Variants in NREP observed in about 807,000 individuals in gnomAD.
NREP encodes the protein neuronal regeneration-related protein.
A neutral mutation model predicts 8.6 loss-of-function variants in NREP; 5 were observed. The ratio of observed to expected loss-of-function variants is 0.58; its 90% CI spans 0.30 to 1.22. NREP has a LOEUF of 1.22. Among genes scored for constraint, NREP ranks in the 50% most tolerant of loss-of-function variants. The probability of loss-of-function intolerance (pLI) is 0.07; values close to 1 mark genes in which losing one functional copy is unlikely to be tolerated. For missense variants in NREP, 86 were observed against 82.5 expected, an observed-to-expected ratio of 1.04 and a Z score of -0.17; for synonymous variants, 27 against 28.0, an observed-to-expected ratio of 0.96 and a Z score of 0.11.
chr5:111,737,782 C>T (rs568401727), intron 2 of NREP, among the ~76,000 whole-genome samples: 6 of 149,596 alleles, frequency 4.0e-5, no homozygotes, highest in African/African-American at 1.5e-4. Flanking sequence ...AACTTGGGAA[C>T]ATGAATATCT....
At chr5:111,737,642 G>A (rs1156280634) in intron 2 of NREP, among the ~76,000 whole-genome samples, 1 of 151,108 alleles carries the variant, frequency 6.6e-6, no homozygotes, top group African/African-American at 2.4e-5. Flanking sequence ...AATTTGTAGG[G>A]GAAAATAGCT....
At chr5:111,963,644 T>C (rs1186941932) in intron 2 of NREP, among the ~76,000 whole-genome samples, 1 of 152,174 alleles carries the variant, frequency 6.6e-6, no homozygotes, top group East Asian at 1.9e-4. Flanking sequence ...TTTCAAACAG[T>C]TTGTACTCAA....
chr5:111,849,845 C>T (rs1224949396), intron 2 of NREP, among the ~76,000 whole-genome samples: 1 of 152,046 alleles, frequency 6.6e-6, no homozygotes, highest in Non-Finnish European at 1.5e-5. Flanking sequence ...GCCCATTTTC[C>T]TTTTCTTCCT....
At chr5:111,754,982 A>C (rs560960948) in intron 2 of NREP, among the ~76,000 whole-genome samples, 3 of 152,336 alleles carry the variant, frequency 2.0e-5, no homozygotes, top group Admixed American at 6.5e-5. Flanking sequence ...GCAGTAGGAC[A>C]CGCTGTACTT....
At chr5:111,901,006 T>C (rs1754634088) in intron 2 of NREP, among the ~76,000 whole-genome samples, 1 of 152,072 alleles carries the variant, frequency 6.6e-6, no homozygotes, top group South Asian at 2.1e-4. Context: ...GCAACAATCC[T>C]CAAGAAAATA....
At chr5:111,845,865 A>AG (rs1554102669) in intron 2 of NREP, among the ~76,000 whole-genome samples, 2 of 151,838 alleles carry the variant, frequency 1.3e-5, no homozygotes, top group Non-Finnish European at 2.9e-5. Flanking sequence ...ACCAAAAAAA[A>AG]AAAAGAAAAG....
chr5:111,875,507 G>A (rs1753883300), intron 2 of NREP, among the ~76,000 whole-genome samples: 1 of 152,146 alleles, frequency 6.6e-6, no homozygotes, highest in Non-Finnish European at 1.5e-5. Context: ...TTATATAATG[G>A]CTCTTGGATG....
At chr5:111,739,372 G>A (rs560705032) in intron 2 of NREP, 2 of 152,372 alleles carry the variant, frequency 1.3e-5, no homozygotes, top group Admixed American at 6.5e-5. Context: ...CCTGTAGCCA[G>A]GTCTCCCTGC....
At chr5:111,957,180 G>A (rs892010547) in intron 2 of NREP, among the ~76,000 whole-genome samples, 1 of 150,470 alleles carries the variant, frequency 6.6e-6, no homozygotes, top group Admixed American at 6.6e-5. Flanking sequence ...GAGAGAGAGA[G>A]AAAATACACA....
At chr5:111,803,068 G>T (rs987479786) in intron 2 of NREP, among the ~76,000 whole-genome samples, 1 of 152,164 alleles carries the variant, frequency 6.6e-6, no homozygotes, top group African/African-American at 2.4e-5. Flanking sequence ...AATAAATTTA[G>T]TTTTAGATAA....
chr5:111,901,488 G>C (rs1337679645), intron 2 of NREP, among the ~76,000 whole-genome samples: 2 of 151,934 alleles, frequency 1.3e-5, no homozygotes, highest in African/African-American at 4.8e-5. Flanking sequence ...AGCCAGGCAA[G>C]AGGAAAAAAT....
At chr5:111,901,589 AG>A in intron 2 of NREP, among the ~76,000 whole-genome samples, 1 of 152,150 alleles carries the variant, frequency 6.6e-6, no homozygotes, top group East Asian at 1.9e-4. Flanking sequence ...CAAAACTCTT[AG>A]AACTAGTCAA....
intron 2 of NREP, among the ~76,000 whole-genome samples, chr5:111,928,602 G>A (rs527429773): frequency 7.2e-5 from 11 of 152,140 alleles, no homozygotes; most frequent in Non-Finnish European, 1.3e-4. Context: ...TTTTTCTACT[G>A]GAGCCTCTCT....
chr5:111,830,252 G>A (rs991467827), intron 2 of NREP, among the ~76,000 whole-genome samples: 1 of 152,044 alleles, frequency 6.6e-6, no homozygotes, highest in Non-Finnish European at 1.5e-5. Context: ...CCTAAAGATC[G>A]GACACTCCTG....
At chr5:111,869,088 G>T (rs1311905383) in intron 2 of NREP, among the ~76,000 whole-genome samples, 15 of 152,236 alleles carry the variant, frequency 9.9e-5, no homozygotes, top group Non-Finnish European at 5.9e-5. Context: ...CACAAGGTGG[G>T]AATAATTTGA....
At chr5:111,889,154 C>T (rs540638946) in intron 2 of NREP, among the ~76,000 whole-genome samples, 2 of 152,316 alleles carry the variant, frequency 1.3e-5, no homozygotes, top group South Asian at 4.1e-4. Flanking sequence ...CATGGTTCTG[C>T]AGGCTGTACA....
At chr5:111,824,521 G>C (rs542509182) in intron 2 of NREP, among the ~76,000 whole-genome samples, 14 of 152,156 alleles carry the variant, frequency 9.2e-5, no homozygotes, top group Non-Finnish European at 2.1e-4. Flanking sequence ...TGGAAACACA[G>C]CTCTTTTTTA....
chr5:111,926,275 G>A (rs1277832671), intron 2 of NREP, among the ~76,000 whole-genome samples: 1 of 152,096 alleles, frequency 6.6e-6, no homozygotes, highest in Non-Finnish European at 1.5e-5. Context: ...GGAGGAGGGA[G>A]CCCTGGATAA....
chr5:111,884,683 T>A (rs1754189773), intron 2 of NREP, among the ~76,000 whole-genome samples: 1 of 152,174 alleles, frequency 6.6e-6, no homozygotes, highest in East Asian at 1.9e-4. Context: ...CACAAATCAA[T>A]AAATGCAGTC....
Sources: gnomAD v4.1 joint callset for allele counts (sites outside exome capture counted in the v4.1 genomes callset) on GRCh38, gnomAD v4.1.1 for gene constraint, MANE v1.5 for transcripts, NCBI Gene and HGNC (gene_info 2026-07-23, HGNC 2026-07-21) for gene names.